ARMC2: variants seen among roughly 807,000 people sequenced by gnomAD.
The protein encoded by ARMC2 is armadillo repeat containing 2.
A neutral mutation model predicts 90.3 loss-of-function variants in ARMC2; 67 were observed. The ratio of observed to expected loss-of-function variants is 0.74; its 90% CI spans 0.61 to 0.91. ARMC2 has a LOEUF of 0.91. Ranked by LOEUF, ARMC2 falls within the 40% of genes least tolerant of loss-of-function variation. The pLI is 0.00. For synonymous variants in ARMC2, 393 were observed against 393.0 expected (o/e 1.00, Z 0.00); for missense variants, 920 against 1,030.9 (o/e 0.89, Z 1.47).
At chr6:108,919,423 G>A (rs912528628) in intron 10 of ARMC2, among the ~76,000 whole-genome samples, 1 of 152,084 alleles carries the variant, frequency 6.6e-6, no homozygotes, top group Non-Finnish European at 1.5e-5. Flanking sequence ...TCTACCAGTA[G>A]AACTTTGCTC....
At chr6:109,042,951 A>T in the ARMC2 span, among the ~76,000 whole-genome samples, 1 of 152,162 alleles carries the variant, frequency 6.6e-6, no homozygotes, top group Non-Finnish European at 1.5e-5. Flanking sequence ...CCTAAACAAA[A>T]TATTAGCAAA....
chr6:108,981,154 GA>G, the ARMC2 span, among the ~76,000 whole-genome samples: 2 of 151,580 alleles, frequency 1.3e-5, no homozygotes, highest in Non-Finnish European at 2.9e-5. Context: ...ACTTTTAGTG[GA>G]AAAAAAAGTC....
At chr6:109,052,622 C>T in the ARMC2 span, among the ~76,000 whole-genome samples, 1 of 152,118 alleles carries the variant, frequency 6.6e-6, no homozygotes, top group African/African-American at 2.4e-5. Flanking sequence ...TATATTTAAA[C>T]ATTCCAAAAG....
rs1210841994 is a variant in ARMC2 at position 108,907,729 on chromosome 6, G to A, written c.1024-3170G>A. On this transcript the variant is annotated intron_variant, in intron 8 of 17. Transcript: ENST00000392644. ...AGATGCTCCCCTTCTTCACATTGAT[G>A]TACTTGTAGTACCAGTAGTAACCTC... 1.3e-5 allele frequency: 21 copies of A among 1,609,620 alleles called. No individual in the cohort carries two copies. In the African/African-American group the frequency reaches 1.5e-4, roughly 11 times the overall value.
chr6:109,024,468 C>T, the ARMC2 span, among the ~76,000 whole-genome samples: 2 of 152,090 alleles, frequency 1.3e-5, no homozygotes, highest in Non-Finnish European at 2.9e-5. Flanking sequence ...CTGACAGCAC[C>T]GCCCTCTCCC....
intron 3 of ARMC2, among the ~76,000 whole-genome samples, chr6:108,862,523 C>T (rs1317434385): frequency 6.6e-6 from 1 of 151,976 alleles, no homozygotes; most frequent in Non-Finnish European, 1.5e-5. Context: ...AATTTGGGGC[C>T]CCCAGTCAAA....
chr6:108,876,681 A>G (rs1776971829), intron 5 of ARMC2, among the ~76,000 whole-genome samples: 2 of 152,228 alleles, frequency 1.3e-5, no homozygotes, highest in Admixed American at 6.5e-5. Flanking sequence ...GGATTCTTGC[A>G]TGGCCTGGAA....
intron 4 of ARMC2, among the ~76,000 whole-genome samples, chr6:108,871,452 G>C (rs2806364): frequency 0.18 from 27,187 of 151,936 alleles, 2,531 homozygotes; most frequent in Middle Eastern, 0.22. Flanking sequence ...AGGAACAAAG[G>C]GTTTGCCAAG....
intron 13 of ARMC2, among the ~76,000 whole-genome samples, 190 bp from the exon 14 acceptor site, chr6:108,961,382 C>A (rs1777985907): frequency 6.6e-6 from 1 of 152,206 alleles, no homozygotes; most frequent in Admixed American, 6.5e-5. Context: ...GGAGCAGGCC[C>A]TTGCATTTGG....
At chr6:108,906,109 T>C (rs12175050) in intron 8 of ARMC2, among the ~76,000 whole-genome samples, 5,002 of 152,298 alleles carry the variant, frequency 0.033, 217 homozygotes, top group East Asian at 0.2. Context: ...TACTGGCAAA[T>C]GAAAGTTTTC....
chr6:109,005,920 A>T, the ARMC2 span, among the ~76,000 whole-genome samples: 1 of 152,230 alleles, frequency 6.6e-6, no homozygotes, highest in South Asian at 2.1e-4. Context: ...CAGAAGTAGC[A>T]GAGGAAGAGA....
intron 6 of ARMC2, among the ~76,000 whole-genome samples, chr6:108,896,785 G>T (rs1771652247): frequency 6.6e-6 from 1 of 152,162 alleles, no homozygotes; most frequent in Non-Finnish European, 1.5e-5. Flanking sequence ...TCTCATAGAA[G>T]TTCTCTATTA....
chr6:108,943,934 A>T (rs1776629532), intron 12 of ARMC2, among the ~76,000 whole-genome samples: 1 of 152,234 alleles, frequency 6.6e-6, no homozygotes, highest in Non-Finnish European at 1.5e-5. Flanking sequence ...ATAGAAATAC[A>T]GGTGCTCAGG....
intron 13 of ARMC2, among the ~76,000 whole-genome samples, chr6:108,960,650 G>A (rs1026384376): frequency 2.6e-5 from 4 of 152,168 alleles, no homozygotes; most frequent in Non-Finnish European, 5.9e-5. Flanking sequence ...AAAGCAGGGT[G>A]AGAAAAAAGA....
At chr6:109,014,917 A>G in the ARMC2 span, among the ~76,000 whole-genome samples, 1 of 152,114 alleles carries the variant, frequency 6.6e-6, no homozygotes, top group Non-Finnish European at 1.5e-5. Flanking sequence ...CCTCCTATTT[A>G]TTTATTTAGT....
chr6:109,048,271 C>A, the ARMC2 span, among the ~76,000 whole-genome samples: 1 of 152,112 alleles, frequency 6.6e-6, no homozygotes, highest in Non-Finnish European at 1.5e-5. Context: ...GTATGTGGTG[C>A]AGGCAGTTTA....
chr6:108,919,670 G>A (rs966903166), intron 10 of ARMC2, among the ~76,000 whole-genome samples: 9 of 152,098 alleles, frequency 5.9e-5, no homozygotes, highest in Admixed American at 2.6e-4. Flanking sequence ...GATCTTATAC[G>A]TTTGATGAGT....
At chr6:108,907,678 G>C (rs1041777942) in intron 8 of ARMC2, 16 of 1,605,524 alleles carry the variant, frequency 1.0e-5, no homozygotes, top group Non-Finnish European at 1.4e-5. Context: ...AGAGCACGTA[G>C]CATGCCAGCA....
At chr6:108,852,877 G>A (rs1390907618) in intron 1 of ARMC2, among the ~76,000 whole-genome samples, 1 of 151,918 alleles carries the variant, frequency 6.6e-6, no homozygotes, top group East Asian at 1.9e-4. Context: ...TAGATGTTAC[G>A]GGACTGAATT....
Sources: gnomAD v4.1 joint callset for allele counts (sites outside exome capture counted in the v4.1 genomes callset) on GRCh38, gnomAD v4.1.1 for gene constraint, MANE v1.5 for transcripts, NCBI Gene and HGNC (gene_info 2026-07-23, HGNC 2026-07-21) for gene names.